The following ADAMTSL3 variants were observed in gnomAD, a reference collection of about 807,000 sequenced individuals.
ADAMTSL3 encodes the protein ADAMTS like 3.
ADAMTSL3 carries 128 observed loss-of-function variants against 201.7 expected under a neutral mutation model. The ratio of observed to expected loss-of-function variants is 0.63; its 90% confidence interval spans 0.55 to 0.73. The LOEUF (loss-of-function observed/expected upper bound fraction) is 0.73, where lower values mean the gene tolerates loss of function less well. Among genes scored for constraint, ADAMTSL3 ranks in the 30% least tolerant of loss-of-function variants. ADAMTSL3 has a pLI of 0.00. For synonymous variants in ADAMTSL3, 738 were observed against 748.4 expected (o/e 0.99, Z 0.23); for missense variants, 1,990 against 2,119.6 (o/e 0.94, Z 1.20).
intron 23 of ADAMTSL3, among the ~76,000 whole-genome samples, chr15:84,000,800 C>CTT (rs1266983849): frequency 6.6e-6 from 1 of 152,124 alleles, no homozygotes; most frequent in Non-Finnish European, 1.5e-5. Flanking sequence ...AAGCACCCTG[C>CTT]TTACTTGCAA....
intron 2 of ADAMTSL3, among the ~76,000 whole-genome samples, chr15:83,673,821 T>G (rs1212908703): frequency 6.6e-6 from 1 of 152,192 alleles, no homozygotes; most frequent in Non-Finnish European, 1.5e-5. Flanking sequence ...GAAAGCTATC[T>G]TAAGAGAAAC....
At chr15:83,900,462 C>G (rs2065702200) in intron 15 of ADAMTSL3, among the ~76,000 whole-genome samples, 1 of 152,216 alleles carries the variant, frequency 6.6e-6, no homozygotes, top group African/African-American at 2.4e-5. Context: ...ATTTCTAGTC[C>G]AGGAATCTGT....
chr15:83,991,817 C>G (rs1440819682), intron 23 of ADAMTSL3, among the ~76,000 whole-genome samples: 1 of 152,156 alleles, frequency 6.6e-6, no homozygotes, highest in Non-Finnish European at 1.5e-5. Context: ...CTGACTTTGC[C>G]TTAATCTAGG....
At chr15:83,719,432 A>C (rs1022191972) in intron 3 of ADAMTSL3, among the ~76,000 whole-genome samples, 4 of 152,246 alleles carry the variant, frequency 2.6e-5, no homozygotes, top group African/African-American at 9.6e-5. Flanking sequence ...ACAAATAAAC[A>C]GACAAAAAAC....
At chr15:83,868,989 C>T (rs777571349) in intron 8 of ADAMTSL3, among the ~76,000 whole-genome samples, 1 of 152,156 alleles carries the variant, frequency 6.6e-6, no homozygotes, top group Non-Finnish European at 1.5e-5. Context: ...TTCTGCATCC[C>T]GATCTGCAAC....
intron 2 of ADAMTSL3, among the ~76,000 whole-genome samples, chr15:83,665,512 G>A (rs1301894786): frequency 6.6e-6 from 1 of 152,094 alleles, no homozygotes; most frequent in Non-Finnish European, 1.5e-5. Context: ...GAAGATAGAA[G>A]AGGAAAAAAC....
Position 83,825,686 on chromosome 15 carries a change from G to A in ADAMTSL3, c.600+5639G>A, listed in dbSNP as rs182210821. Among the ~76,000 whole-genome samples, 279 of 152,182 alleles carry A rather than the reference G, an allele frequency of 1.8e-3. 4 individuals are homozygous for A. The highest frequency in any genetic ancestry group is 4.3e-4 in the Non-Finnish European group (29 of 68,002). ...TCAAGGAGCGCTCTCTGGATAAGGT[G>A]ATGTTTGGACACTGAGGTTTTGAAA... On this transcript the variant is annotated intron_variant, in intron 6 of 29. Coordinates refer to ENST00000286744, the MANE Select transcript of ADAMTSL3 (RefSeq NM_207517.3).
At chr15:83,929,049 G>A (rs1182764938) in intron 17 of ADAMTSL3, among the ~76,000 whole-genome samples, 1 of 152,008 alleles carries the variant, frequency 6.6e-6, no homozygotes, top group East Asian at 1.9e-4. Flanking sequence ...TGACTCTCCT[G>A]TTTCCTGCTC....
At chr15:83,931,848 A>C (rs965765378) in intron 17 of ADAMTSL3, among the ~76,000 whole-genome samples, 21 of 152,236 alleles carry the variant, frequency 1.4e-4, no homozygotes, top group African/African-American at 5.1e-4. Flanking sequence ...ATAAAAGAAA[A>C]ATAGTTGATG....
At chr15:83,967,568 G>A (rs980455908) in intron 19 of ADAMTSL3, among the ~76,000 whole-genome samples, 12 of 152,170 alleles carry the variant, frequency 7.9e-5, no homozygotes, top group African/African-American at 2.9e-4. Flanking sequence ...CCATGTTCAT[G>A]GATATGAAGA....
chr15:83,657,443 G>A (rs1307804811), intron 2 of ADAMTSL3, among the ~76,000 whole-genome samples: 4 of 152,132 alleles, frequency 2.6e-5, no homozygotes, highest in African/African-American at 9.7e-5. Context: ...CATCATTCAC[G>A]CCACTCACTG....
chr15:83,822,867 G>A (rs935740030), intron 6 of ADAMTSL3, among the ~76,000 whole-genome samples: 2 of 151,882 alleles, frequency 1.3e-5, no homozygotes, highest in African/African-American at 2.4e-5. Context: ...AGGTTGTAGC[G>A]AGCCGAGATC....
intron 23 of ADAMTSL3, among the ~76,000 whole-genome samples, chr15:84,012,906 T>G (rs1215908106): frequency 6.6e-6 from 1 of 152,198 alleles, no homozygotes; most frequent in East Asian, 1.9e-4. Context: ...GACGACACAG[T>G]TGAAATCTAA....
intron 23 of ADAMTSL3, among the ~76,000 whole-genome samples, chr15:84,006,030 G>A (rs567867508): frequency 1.3e-5 from 2 of 152,300 alleles, no homozygotes; most frequent in South Asian, 4.1e-4. Context: ...GAACAAAAGG[G>A]TATGCAGTTA....
rs71453219 is a variant in ADAMTSL3 at position 84,019,076 on chromosome 15, T to TACACACACACACACACAC, written c.4274-2312_4274-2295dup. 1.2e-3 allele frequency among the ~76,000 whole-genome samples: 171 copies of TACACACACACACACACAC among 139,240 alleles called. 2 individuals carry two copies. The highest frequency in any genetic ancestry group is 5.2e-3 in the East Asian group (24 of 4,652). The allele number at this position is 139,240 out of a possible 152,430, so 91.3% of individuals were successfully genotyped here. A position where few individuals can be genotyped will look rare whatever the true frequency, so the allele number is the denominator to read the frequency against. On this transcript the variant is annotated intron_variant, in intron 25 of 29. Coordinates refer to ENST00000286744, the MANE Select transcript of ADAMTSL3 (RefSeq NM_207517.3). Reference sequence around the variant, plus strand: ...ATGAATATCCCCCACCACACACACATACACACACACACACACACACACACA... The same window carrying TACACACACACACACACAC: ...ATGAATATCCCCCACCACACACACATACACACACACACACACACACACACACACACACACACACACACA...
intron 7 of ADAMTSL3, among the ~76,000 whole-genome samples, chr15:83,853,366 TTCAG>T (rs2064660267): frequency 6.6e-6 from 1 of 152,218 alleles, no homozygotes; most frequent in African/African-American, 2.4e-5. Flanking sequence ...TTAAAAACTC[TTCAG>T]TCATACGGTG....
At chr15:83,845,862 C>T (rs1428038069) in intron 7 of ADAMTSL3, among the ~76,000 whole-genome samples, 1 of 152,186 alleles carries the variant, frequency 6.6e-6, no homozygotes, top group African/African-American at 2.4e-5. Context: ...GTTATTGTCA[C>T]AACCTGCAAG....
At chr15:83,796,850 G>A (rs1404106477) in intron 4 of ADAMTSL3, among the ~76,000 whole-genome samples, 1 of 152,090 alleles carries the variant, frequency 6.6e-6, no homozygotes, top group Non-Finnish European at 1.5e-5. Flanking sequence ...TATGATTATC[G>A]ATAGTCAGAG....
chr15:84,014,735 A>C lies in ADAMTSL3; in HGVS notation c.4156+11A>C, dbSNP rs1340984129. On this transcript the variant is annotated intron_variant, in intron 24 of 29. Transcript: ENST00000286744. ...TACTCCACTTGCTGGGTAAGTGTCAAATTCTTATTGCTCCTTAAGTGCCTC... is the reference window on the plus strand; with the variant it reads ...TACTCCACTTGCTGGGTAAGTGTCACATTCTTATTGCTCCTTAAGTGCCTC... 1 of 1,602,492 alleles carries C rather than the reference A, an allele frequency of 6.2e-7. No homozygotes were observed. Among genetic ancestry groups the C allele is most frequent in the Non-Finnish European group, 8.5e-7 (1 of 1,175,022 alleles).
Sources: allele counts gnomAD v4.1 joint callset (sites outside exome capture counted in the v4.1 genomes callset), GRCh38; gene constraint gnomAD v4.1.1; transcripts MANE v1.5; gene names NCBI Gene and HGNC (gene_info 2026-07-23, HGNC 2026-07-21).